CTNNA2: variants seen among roughly 807,000 people sequenced by gnomAD.
CTNNA2 encodes catenin alpha 2, also known as catenin alpha-2.
A neutral mutation model predicts 101.0 loss-of-function variants in CTNNA2; 42 were observed. That is an observed-to-expected ratio of 0.42 (90% CI 0.32 to 0.54). The LOEUF (loss-of-function observed/expected upper bound fraction) is 0.54, where lower values mean the gene tolerates loss of function less well. CTNNA2 is among the 20% of genes least tolerant of loss of function. CTNNA2 has a pLI of 0.14. For missense variants in CTNNA2, 871 were observed against 1,223.1 expected (o/e 0.71, Z 4.29); for synonymous variants, 450 against 456.4 (o/e 0.99, Z 0.18).
intron 7 of CTNNA2, among the ~76,000 whole-genome samples, chr2:80,057,780 A>G (rs952928443): frequency 6.6e-6 from 1 of 152,186 alleles, no homozygotes; most frequent in African/African-American, 2.4e-5. Context: ...TACATCTCTA[A>G]CAAAAACATT....
chr2:79,814,802 G>C (rs1574039322), intron 3 of CTNNA2, among the ~76,000 whole-genome samples: 1 of 152,148 alleles, frequency 6.6e-6, no homozygotes, highest in Non-Finnish European at 1.5e-5. Context: ...CCAGTAATGA[G>C]ATTGCTGGAT....
chr2:79,833,902 T>C (rs180842303), intron 3 of CTNNA2, among the ~76,000 whole-genome samples: 35 of 152,328 alleles, frequency 2.3e-4, no homozygotes, highest in African/African-American at 8.4e-4. Flanking sequence ...TTTGCACTTT[T>C]TCTAAACTAG....
intron 3 of CTNNA2, among the ~76,000 whole-genome samples, chr2:79,815,352 A>G (rs1204999940): frequency 6.6e-6 from 1 of 152,124 alleles, no homozygotes; most frequent in Non-Finnish European, 1.5e-5. Context: ...GCCTAAGCCA[A>G]TGTCTAGGAG....
chr2:79,347,132 G>T (rs1677280917), intron 3 of CTNNA2, among the ~76,000 whole-genome samples: 1 of 151,954 alleles, frequency 6.6e-6, no homozygotes, highest in African/African-American at 2.4e-5. Flanking sequence ...AATATTTTTT[G>T]AAAAAGAAGA....
chr2:80,644,902 A>C (rs952542180), intron 18 of CTNNA2, among the ~76,000 whole-genome samples: 9 of 152,148 alleles, frequency 5.9e-5, no homozygotes, highest in African/African-American at 2.2e-4. Context: ...TGAAAGGCAA[A>C]GGGGTTCTGA....
chr2:79,751,422 C>T (rs187365799), intron 3 of CTNNA2, among the ~76,000 whole-genome samples: 191 of 151,744 alleles, frequency 1.3e-3, no homozygotes, highest in Non-Finnish European at 1.8e-3. Flanking sequence ...AGTGAAACCC[C>T]GTCTCTACTA....
chr2:79,677,947 G>A (rs1223457814), intron 2 of CTNNA2, among the ~76,000 whole-genome samples: 2 of 152,200 alleles, frequency 1.3e-5, no homozygotes, highest in African/African-American at 2.4e-5. Flanking sequence ...AGGAATAGAT[G>A]AAATTAAACA....
chr2:79,733,932 C>A (rs1687358851), intron 2 of CTNNA2, among the ~76,000 whole-genome samples: 1 of 152,010 alleles, frequency 6.6e-6, no homozygotes, highest in Non-Finnish European at 1.5e-5. Context: ...GAATCCTTTG[C>A]CTAACATACT....
At chr2:80,234,060 T>A (rs1003548670) in intron 7 of CTNNA2, among the ~76,000 whole-genome samples, 13 of 152,284 alleles carry the variant, frequency 8.5e-5, no homozygotes, top group Middle Eastern at 3.4e-3. Context: ...TTTGTTTTTT[T>A]TTTTGAGATG....
At chr2:80,126,610 C>G (rs866288193) in intron 7 of CTNNA2, among the ~76,000 whole-genome samples, 7 of 74,294 alleles carry the variant, frequency 9.4e-5, no homozygotes, top group African/African-American at 3.9e-4. Flanking sequence ...CTCCCTCCCT[C>G]CCTCCCTCCC....
intron 12 of CTNNA2, among the ~76,000 whole-genome samples, chr2:80,569,647 T>TG (rs1230784149): frequency 1.9e-5 from 2 of 106,620 alleles, no homozygotes; most frequent in African/African-American, 6.3e-5. Context: ...TTTTTTTTTT[T>TG]TTTTTTTTTT....
chr2:80,402,647 T>C (rs1678658608), intron 8 of CTNNA2, among the ~76,000 whole-genome samples: 1 of 151,654 alleles, frequency 6.6e-6, no homozygotes, highest in Admixed American at 6.6e-5. Context: ...GACAAAAGAT[T>C]CTCCTAGTAC....
chr2:79,416,835 C>T (rs1288042314), intron 4 of CTNNA2, among the ~76,000 whole-genome samples: 2 of 152,064 alleles, frequency 1.3e-5, no homozygotes, highest in African/African-American at 2.4e-5. Context: ...CCACAGAAGT[C>T]ACTTAAAAAG....
chr2:79,526,854 C>T (rs1420963038), intron 1 of CTNNA2, among the ~76,000 whole-genome samples: 2 of 151,972 alleles, frequency 1.3e-5, no homozygotes, highest in African/African-American at 2.4e-5. Context: ...GCATTATAGA[C>T]CTAAATATGA....
At chr2:79,255,256 C>T (rs1213178415) in intron 2 of CTNNA2, among the ~76,000 whole-genome samples, 1 of 152,184 alleles carries the variant, frequency 6.6e-6, no homozygotes, top group African/African-American at 2.4e-5. Context: ...TAAGCATCAT[C>T]ATCTATCAAA....
At chr2:80,068,127 A>C (rs1171102917) in intron 7 of CTNNA2, among the ~76,000 whole-genome samples, 2 of 152,226 alleles carry the variant, frequency 1.3e-5, no homozygotes, top group Admixed American at 1.3e-4. Context: ...GAAGAGGAGA[A>C]AGCATAGATG....
chr2:80,392,757 A>G (rs921217489), intron 7 of CTNNA2, among the ~76,000 whole-genome samples: 4 of 152,236 alleles, frequency 2.6e-5, no homozygotes, highest in Non-Finnish European at 5.9e-5. Flanking sequence ...AATATGGCTT[A>G]AAAAATATTG....
In CTNNA2 at chr2:80,488,374, A is replaced by G. The variant is rs548920499; in HGVS notation, c.1291-56608A>G. ...TATATGTCTGTTCACTAGCACTTCT[A>G]TTTGGGTAGGGAAAATTCCCTAAGT... On this transcript the variant is annotated intron_variant, in intron 9 of 18. Coordinates refer to ENST00000402739, the MANE Select transcript of CTNNA2 (RefSeq NM_001282597.3). 5.3e-5 allele frequency among the ~76,000 whole-genome samples: 8 copies of G among 151,934 alleles called. No individual in the cohort carries two copies. In the South Asian group the frequency reaches 6.2e-4, roughly 12 times the overall value.
intron 3 of CTNNA2, among the ~76,000 whole-genome samples, chr2:79,791,950 G>A (rs4852526): frequency 0.43 from 65,342 of 152,074 alleles, 17,743 homozygotes; most frequent in African/African-American, 0.75. Context: ...GAGAAGGACA[G>A]GTGGCCTCCT....
Sources: allele counts gnomAD v4.1 joint callset (sites outside exome capture counted in the v4.1 genomes callset), GRCh38; gene constraint gnomAD v4.1.1; transcripts MANE v1.5; gene names NCBI Gene and HGNC (gene_info 2026-07-23, HGNC 2026-07-21).